Variants in MYO3B observed in about 807,000 individuals in gnomAD.
MYO3B encodes the protein myosin-IIIb.
MYO3B carries 156 observed loss-of-function variants against 174.6 expected under a neutral mutation model. That is an observed-to-expected ratio of 0.89 (90% confidence interval 0.78 to 1.02). The LOEUF (loss-of-function observed/expected upper bound fraction) is 1.02. Ranked by LOEUF, MYO3B falls within the 50% of genes least tolerant of loss-of-function variation. The pLI is 0.00. For missense variants in MYO3B, 1,632 were observed against 1,639.4 expected (o/e 1.00, Z 0.08); for synonymous variants, 563 against 569.1 (o/e 0.99, Z 0.15).
chr2:170,307,818 C>G (rs963738338), intron 7 of MYO3B, among the ~76,000 whole-genome samples: 3 of 152,166 alleles, frequency 2.0e-5, no homozygotes, highest in African/African-American at 4.8e-5. Context: ...CATGCAAATT[C>G]AGAGGCAAGT....
At chr2:170,568,929 A>G (rs558518209) in intron 32 of MYO3B, among the ~76,000 whole-genome samples, 2 of 152,288 alleles carry the variant, frequency 1.3e-5, no homozygotes, top group South Asian at 4.2e-4. Flanking sequence ...TCTACAAAAA[A>G]TGAACTTGGT....
At chr2:170,201,659 G>A (rs2092663497) in intron 3 of MYO3B, among the ~76,000 whole-genome samples, 1 of 152,102 alleles carries the variant, frequency 6.6e-6, no homozygotes, top group South Asian at 2.1e-4. Context: ...TGTTCCTTTA[G>A]TTGACTGGTT....
chr2:170,246,575 A>G (rs2093192823), intron 7 of MYO3B, among the ~76,000 whole-genome samples: 1 of 150,944 alleles, frequency 6.6e-6, no homozygotes, highest in South Asian at 2.1e-4. Flanking sequence ...CACGAACATC[A>G]TATAAAGACA....
At chr2:170,519,714 G>A (rs1688545181) in intron 30 of MYO3B, 174 bp downstream of exon 30, 2 of 547,166 alleles carry the variant, frequency 3.7e-6, no homozygotes, top group Non-Finnish European at 6.5e-6. Context: ...GCTCATGCCT[G>A]TAATCCCAGC....
chr2:170,455,688 C>T (rs967922309), intron 23 of MYO3B, among the ~76,000 whole-genome samples: 4 of 152,124 alleles, frequency 2.6e-5, no homozygotes, highest in African/African-American at 9.7e-5. Context: ...ATGTGTGGAG[C>T]CCATATGTAT....
intron 7 of MYO3B, among the ~76,000 whole-genome samples, chr2:170,285,477 C>T (rs6433189): frequency 0.83 from 125,439 of 151,928 alleles, 52,290 homozygotes; most frequent in East Asian, 0.96. Context: ...TCTCCTGCCT[C>T]AGCTTCCCAA....
At chr2:170,465,325 T>G (rs147176182) in intron 24 of MYO3B, among the ~76,000 whole-genome samples, 74 of 152,080 alleles carry the variant, frequency 4.9e-4, no homozygotes, top group African/African-American at 1.7e-3. Context: ...GAGGGAGGAA[T>G]GGAGAGAGAA....
At chr2:170,454,619 G>A (rs539936817) in intron 23 of MYO3B, among the ~76,000 whole-genome samples, 55 of 152,330 alleles carry the variant, frequency 3.6e-4, no homozygotes, top group African/African-American at 1.2e-3. Context: ...ATCCATCAAA[G>A]GAGAGGGGCT....
In MYO3B at chr2:170,616,425, G is replaced by A. The variant is rs533856215; in HGVS notation, c.3734-35203G>A. ...CTCTCTGCAGGGGGAATCACATCAC[G>A]TGCAGTTGGCTCATTCTGGCAGTCC... On this transcript the variant is annotated intron_variant, in intron 32 of 34. Coordinates refer to ENST00000408978, the MANE Select transcript of MYO3B (RefSeq NM_138995.5). 3.3e-3 allele frequency among the ~76,000 whole-genome samples: 501 copies of A among 152,270 alleles called. 5 individuals are homozygous for A. Among genetic ancestry groups the A allele is most frequent in the Non-Finnish European group, 3.9e-3 (266 of 68,006 alleles).
intron 6 of MYO3B, among the ~76,000 whole-genome samples, chr2:170,220,073 A>G (rs1052328259): frequency 2.6e-5 from 4 of 152,060 alleles, no homozygotes; most frequent in East Asian, 1.9e-4. Context: ...CCTGGCTAAC[A>G]CAGTGAAACC....
intron 7 of MYO3B, among the ~76,000 whole-genome samples, chr2:170,320,669 T>A (rs1399942073): frequency 6.6e-6 from 1 of 151,990 alleles, no homozygotes; most frequent in African/African-American, 2.4e-5. Context: ...GTATGTCATA[T>A]GTAAATATTA....
At chr2:170,467,846 G>T (rs1575027997) in intron 25 of MYO3B, among the ~76,000 whole-genome samples, 1 of 144,506 alleles carries the variant, frequency 6.9e-6, no homozygotes, top group African/African-American at 2.5e-5. Flanking sequence ...CTTGCAATGA[G>T]AGCTTTTAAA....
chr2:170,540,880 A>G (rs1270444624), intron 30 of MYO3B, among the ~76,000 whole-genome samples: 1 of 152,158 alleles, frequency 6.6e-6, no homozygotes, highest in African/African-American at 2.4e-5. Flanking sequence ...TTGGAGTCTC[A>G]TTGAACATAT....
chr2:170,637,465 G>A (rs918778437), intron 32 of MYO3B, among the ~76,000 whole-genome samples: 157 of 152,114 alleles, frequency 1.0e-3, no homozygotes, highest in African/African-American at 3.6e-3. Context: ...GAGCCACCAC[G>A]CCCCACCTGA....
intron 15 of MYO3B, among the ~76,000 whole-genome samples, chr2:170,391,889 T>A (rs2105767918): frequency 6.6e-6 from 1 of 151,832 alleles, no homozygotes; most frequent in East Asian, 1.9e-4. Context: ...GTGTGGCGGC[T>A]CATGCCTGTA....
At chr2:170,229,942 A>G (rs187410092) in intron 6 of MYO3B, among the ~76,000 whole-genome samples, 1 of 152,296 alleles carries the variant, frequency 6.6e-6, no homozygotes, top group Admixed American at 6.5e-5. Flanking sequence ...TACTCTACTC[A>G]TGCCCTGTGC....
At chr2:170,630,990 T>C (rs1433263046) in intron 32 of MYO3B, among the ~76,000 whole-genome samples, 1 of 151,962 alleles carries the variant, frequency 6.6e-6, no homozygotes, top group East Asian at 1.9e-4. Context: ...AAAACCAGAG[T>C]GCCCCTTCTC....
chr2:170,607,954 GAAGT>G (rs1694914201), intron 32 of MYO3B, among the ~76,000 whole-genome samples: 1 of 152,194 alleles, frequency 6.6e-6, no homozygotes. Context: ...TTGTGAAGGA[GAAGT>G]AATATAATTA....
chr2:170,255,380 G>C (rs2093295872), intron 7 of MYO3B, among the ~76,000 whole-genome samples: 1 of 152,064 alleles, frequency 6.6e-6, no homozygotes, highest in African/African-American at 2.4e-5. Context: ...GAGCACTGCT[G>C]TGCACACACT....
Sources: gnomAD v4.1 joint callset for allele counts (sites outside exome capture counted in the v4.1 genomes callset) on GRCh38, gnomAD v4.1.1 for gene constraint, MANE v1.5 for transcripts, NCBI Gene and HGNC (gene_info 2026-07-23, HGNC 2026-07-21) for gene names.